Variants in CFH observed in about 807,000 individuals in gnomAD.
CFH encodes the protein complement factor H.
Under a neutral mutation model 147.3 loss-of-function variants are expected in CFH, and 53 were observed. The observed-to-expected ratio is 0.36, with a 90% CI of 0.29 to 0.45. The LOEUF (loss-of-function observed/expected upper bound fraction) is 0.45, where lower values mean the gene tolerates loss of function less well. Among genes scored for constraint, CFH ranks in the 20% least tolerant of loss-of-function variants. CFH has a pLI of 1.00. For missense variants in CFH, 1,380 were observed against 1,498.0 expected, an observed-to-expected ratio of 0.92 and a Z score of 1.30; for synonymous variants, 536 against 489.4, an observed-to-expected ratio of 1.10 and a Z score of -1.26.
rs1389436210 is a variant in CFH, at chr1:196,660,112, G to A, written c.58+7937G>A. On this transcript the variant is annotated intron_variant, in intron 1 of 21. Transcript: ENST00000367429. ...TGGGCTTGGTCTTGGGGACTAGAAT[G>A]AGTGGATCACTTTGAGGACAGAACA... Among the ~76,000 whole-genome samples, 2 of 152,284 alleles carry A rather than the reference G, an allele frequency of 1.3e-5. 1 individual carries two copies. The highest frequency in any genetic ancestry group is 4.1e-4 in the South Asian group (2 of 4,822).
intron 9 of CFH, chr1:196,701,234 C>T: frequency 6.3e-7 from 1 of 1,594,826 alleles, no homozygotes; most frequent in Non-Finnish European, 8.6e-7. Context: ...TGGTCAGTCA[C>T]ATTCAGTTAG....
At chr1:196,681,999 T>G (rs770155921) in intron 6 of CFH, among the ~76,000 whole-genome samples, 45 of 151,800 alleles carry the variant, frequency 3.0e-4, no homozygotes, top group Non-Finnish European at 5.8e-4. Context: ...TAAGATAATA[T>G]TAAAGTGAAA....
intron 1 of CFH, among the ~76,000 whole-genome samples, chr1:196,663,722 C>A (rs534221652): frequency 2.0e-5 from 3 of 152,244 alleles, no homozygotes; most frequent in Admixed American, 6.5e-5. Flanking sequence ...CTACCTTAAG[C>A]CAAATTTGTG....
chr1:196,657,950 C>T (rs1666760507), intron 1 of CFH, among the ~76,000 whole-genome samples: 1 of 151,966 alleles, frequency 6.6e-6, no homozygotes, highest in Non-Finnish European at 1.5e-5. Flanking sequence ...CACTTTTCAA[C>T]TAACAGTTAA....
intron 7 of CFH, among the ~76,000 whole-genome samples, chr1:196,686,632 A>G (rs1283704308): frequency 1.3e-5 from 2 of 152,142 alleles, no homozygotes; most frequent in Non-Finnish European, 2.9e-5. Flanking sequence ...CATAATTCCA[A>G]TCCCTAAGAG....
intron 9 of CFH, among the ~76,000 whole-genome samples, chr1:196,702,074 G>A (rs1007470647): frequency 6.6e-6 from 1 of 152,128 alleles, no homozygotes; most frequent in Non-Finnish European, 1.5e-5. Flanking sequence ...TCATGATAAA[G>A]TAAGAAATTA....
At chr1:196,686,940 C>G (rs1223576908) in intron 7 of CFH, among the ~76,000 whole-genome samples, 1 of 152,050 alleles carries the variant, frequency 6.6e-6, no homozygotes, top group Non-Finnish European at 1.5e-5. Context: ...TCATTACTCA[C>G]TTGTGTCATT....
chr1:196,728,268 A>G (rs1669194687), intron 14 of CFH, 78 bp from the exon 15 acceptor site: 2 of 1,017,440 alleles, frequency 2.0e-6, no homozygotes, highest in African/African-American at 1.6e-5. Context: ...AATACTATTT[A>G]CTTTATAACT....
intron 9 of CFH, among the ~76,000 whole-genome samples, chr1:196,692,573 TTTTC>T (rs1187840124): frequency 1.8e-4 from 23 of 128,674 alleles, no homozygotes; most frequent in South Asian, 5.4e-4. Flanking sequence ...CTTTCTTTCT[TTTTC>T]TTTCTTTCTT....
intron 9 of CFH, among the ~76,000 whole-genome samples, chr1:196,693,940 G>A (rs1051106781): frequency 6.8e-6 from 1 of 146,900 alleles, no homozygotes; most frequent in Non-Finnish European, 1.5e-5. Context: ...CTAAGACTGG[G>A]TTTGTTAGAT....
In CFH at chr1:196,677,790, T is replaced by C; in HGVS notation, c.619+123T>C. 9 of 913,192 alleles carry C rather than the reference T, an allele frequency of 9.9e-6. No individual in the cohort carries two copies. The South Asian group carries it at 1.3e-4, about 13-fold the overall frequency. The allele number at this position is 913,192 out of a possible 1,614,324, so 56.6% of individuals were successfully genotyped here. A position where few individuals can be genotyped will look rare whatever the true frequency, so the allele number is the denominator to read the frequency against. ...TAGCTAATGTTTATTGAGCACTTAC[T>C]ATCTGCCTGTAATTGAGCTAAGTTC... On this transcript the variant is annotated intron_variant, in intron 5 of 21. Transcript: ENST00000367429.
At chr1:196,700,634 A>G (rs1249025487) in intron 9 of CFH, among the ~76,000 whole-genome samples, 1 of 149,680 alleles carries the variant, frequency 6.7e-6, no homozygotes, top group Non-Finnish European at 1.5e-5. Flanking sequence ...ATCCTGGGAG[A>G]CAGATTGAGA....
At chr1:196,657,973 C>T (rs7551203) in intron 1 of CFH, among the ~76,000 whole-genome samples, 6,791 of 152,010 alleles carry the variant, frequency 0.045, 427 homozygotes, top group African/African-American at 0.14. Flanking sequence ...GATATATTGA[C>T]ATTGAAAATA....
chr1:196,701,200 C>T (rs1305298295), intron 9 of CFH: 2 of 1,383,172 alleles, frequency 1.4e-6, no homozygotes, highest in Admixed American at 3.4e-5. Flanking sequence ...GAAGAAATTA[C>T]TAACTCAGGG....
At chr1:196,654,118 T>A (rs778305821) in intron 1 of CFH, among the ~76,000 whole-genome samples, 8 of 152,058 alleles carry the variant, frequency 5.3e-5, no homozygotes, top group Non-Finnish European at 1.2e-4. Context: ...TCACATATAT[T>A]TCAATATTTG....
Position 196,673,063 on chromosome 1 carries a change from T to A in CFH, c.144T>A (p.Ala48=). The change falls in exon 2 of 22, where the codon GCT becomes GCA. Residue 48 remains alanine, a synonymous_variant. Transcript: ENST00000367429. ...AAACATATCCAGAAGGCACCCAGGCTATCTATAAATGCCGCCCTGGATATA... is the reference window on the plus strand; with the variant it reads ...AAACATATCCAGAAGGCACCCAGGCAATCTATAAATGCCGCCCTGGATATA... ...SDQTYPEGTQ[A]IYKCRPGYRS... 1 of 1,614,044 alleles carries A rather than the reference T, an allele frequency of 6.2e-7. No homozygotes were observed. Among genetic ancestry groups the A allele is most frequent in the Non-Finnish European group, 8.5e-7 (1 of 1,179,914 alleles).
chr1:196,732,956 A>G (rs1669313572), intron 15 of CFH, among the ~76,000 whole-genome samples: 1 of 152,054 alleles, frequency 6.6e-6, no homozygotes, highest in Admixed American at 6.6e-5. Context: ...TCTGCTTGAA[A>G]TGAGTCCATT....
At chr1:196,731,843 T>C (rs1484212351) in intron 15 of CFH, among the ~76,000 whole-genome samples, 1 of 152,036 alleles carries the variant, frequency 6.6e-6, no homozygotes, top group Non-Finnish European at 1.5e-5. Flanking sequence ...AAGGTTTCTG[T>C]TGAGTAATCC....
intron 15 of CFH, among the ~76,000 whole-genome samples, chr1:196,729,179 A>G (rs1669223582): frequency 6.6e-6 from 1 of 152,094 alleles, no homozygotes; most frequent in Non-Finnish European, 1.5e-5. Context: ...AGTCTAGGAT[A>G]TACAGAAAGC....
Sources: allele counts gnomAD v4.1 joint callset (sites outside exome capture counted in the v4.1 genomes callset), GRCh38; gene constraint gnomAD v4.1.1; transcripts MANE v1.5; gene names NCBI Gene and HGNC (gene_info 2026-07-23, HGNC 2026-07-21).